SLC44A5: variants seen among roughly 807,000 people sequenced by gnomAD.
SLC44A5 encodes the protein choline transporter-like protein 5.
Under a neutral mutation model 101.8 loss-of-function variants are expected in SLC44A5, and 57 were observed. That is an observed-to-expected ratio of 0.56 (90% CI 0.45 to 0.70). The LOEUF (loss-of-function observed/expected upper bound fraction) is 0.70, where lower values mean the gene tolerates loss of function less well. Among genes scored for constraint, SLC44A5 ranks in the 30% least tolerant of loss-of-function variants. The pLI, the probability that SLC44A5 is intolerant of heterozygous loss-of-function variation, is 0.00. For synonymous variants in SLC44A5, 281 were observed against 290.9 expected, an observed-to-expected ratio of 0.97 and a Z score of 0.35; for missense variants, 737 against 853.1, an observed-to-expected ratio of 0.86 and a Z score of 1.70.
chr1:75,590,289 G>C (rs537294540), intron 1 of SLC44A5, among the ~76,000 whole-genome samples: 4 of 152,092 alleles, frequency 2.6e-5, no homozygotes, highest in African/African-American at 9.7e-5. Flanking sequence ...CTAGCTGACA[G>C]ATGACAATTC....
rs1646698438 is a variant in SLC44A5 at position 75,203,653 on chromosome 1, T to C, written c.*74A>G. 1.6e-5 allele frequency: 23 copies of C among 1,475,850 alleles called. No homozygotes were observed. In the East Asian group the frequency reaches 3.8e-4, roughly 24 times the overall value. The allele number at this position is 1,475,850 out of a possible 1,614,324, so 91.4% of individuals were successfully genotyped here. A position where few individuals can be genotyped will look rare whatever the true frequency, so the allele number is the denominator to read the frequency against. ...AGTGTTGCTAAACACAAAGCACTTA[T>C]GAAACAAATGTTGCACAGACACAGC... On this transcript the variant is annotated 3_prime_UTR_variant, in exon 24 of 24. Transcript: ENST00000370859.
chr1:75,583,415 T>C lies in SLC44A5; in HGVS notation c.-70+27625A>G, dbSNP rs1673813524. ...TTCCTACAATAGACAATGAGCTCTT[T>C]ATCTGACCGCTCAGAATCACCTGCA... On this transcript the variant is annotated intron_variant, in intron 1 of 23. Coordinates refer to ENST00000370859, the MANE Select transcript of SLC44A5 (RefSeq NM_001130058.2). Among the ~76,000 whole-genome samples, 2 of 152,166 alleles carry C rather than the reference T, an allele frequency of 1.3e-5. 1 individual carries two copies. The highest frequency in any genetic ancestry group is 2.9e-5 in the Non-Finnish European group (2 of 68,032).
chr1:75,507,820 T>G (rs1669353712), intron 2 of SLC44A5, among the ~76,000 whole-genome samples: 1 of 152,170 alleles, frequency 6.6e-6, no homozygotes, highest in Non-Finnish European at 1.5e-5. Flanking sequence ...TTCTGTATAC[T>G]TTTTAGTTTG....
intron 1 of SLC44A5, among the ~76,000 whole-genome samples, chr1:75,605,729 C>A (rs1250605709): frequency 1.3e-5 from 2 of 151,670 alleles, no homozygotes; most frequent in Admixed American, 6.6e-5. Context: ...AAAGCAAAGG[C>A]AAAAAAGAAA....
intron 4 of SLC44A5, among the ~76,000 whole-genome samples, chr1:75,311,456 CA>C (rs765119719): frequency 3.3e-5 from 5 of 152,144 alleles, no homozygotes; most frequent in Non-Finnish European, 5.9e-5. Flanking sequence ...AGTCATTAGG[CA>C]ATCTATACTT....
intron 1 of SLC44A5, among the ~76,000 whole-genome samples, chr1:75,549,676 C>T (rs1410542663): frequency 6.6e-6 from 1 of 152,100 alleles, no homozygotes; most frequent in Non-Finnish European, 1.5e-5. Flanking sequence ...ACAGATAAAA[C>T]CGTGTACTTA....
intron 12 of SLC44A5, among the ~76,000 whole-genome samples, chr1:75,228,423 C>G (rs994191158): frequency 4.6e-5 from 7 of 152,026 alleles, no homozygotes; most frequent in Admixed American, 3.3e-4. Context: ...CCTTCACTTG[C>G]AAATGTTCTG....
the SLC44A5 span, among the ~76,000 whole-genome samples, chr1:75,668,888 G>A: frequency 2.6e-5 from 4 of 151,202 alleles, no homozygotes; most frequent in South Asian, 2.1e-4. Context: ...CCAGCTACTC[G>A]GGAGGCTGGG....
At chr1:75,501,625 C>G (rs1453833192) in intron 2 of SLC44A5, among the ~76,000 whole-genome samples, 1 of 152,062 alleles carries the variant, frequency 6.6e-6, no homozygotes, top group Non-Finnish European at 1.5e-5. Context: ...TCAAGTAAAC[C>G]TTGCAGTCAT....
the SLC44A5 span, among the ~76,000 whole-genome samples, chr1:75,708,672 GA>G: frequency 6.6e-6 from 1 of 151,870 alleles, no homozygotes; most frequent in East Asian, 1.9e-4. Context: ...CTTTATGGGG[GA>G]AATGTTCATG....
intron 12 of SLC44A5, among the ~76,000 whole-genome samples, chr1:75,232,204 C>G (rs1647638964): frequency 6.6e-6 from 1 of 152,042 alleles, no homozygotes; most frequent in Non-Finnish European, 1.5e-5. Context: ...GTTGTTTTAC[C>G]TGCACTTTTT....
chr1:75,640,243 T>C, the SLC44A5 span, among the ~76,000 whole-genome samples: 1 of 152,170 alleles, frequency 6.6e-6, no homozygotes, highest in Admixed American at 6.6e-5. Flanking sequence ...CTCTTACATG[T>C]CTACAGTCTC....
the SLC44A5 span, among the ~76,000 whole-genome samples, chr1:75,663,921 C>A: frequency 1.4e-4 from 22 of 152,252 alleles, no homozygotes; most frequent in African/African-American, 5.3e-4. Flanking sequence ...AAAATACCAG[C>A]AAACTGAATC....
chr1:75,677,192 A>G, the SLC44A5 span, among the ~76,000 whole-genome samples: 2 of 152,000 alleles, frequency 1.3e-5, no homozygotes, highest in East Asian at 1.9e-4. Flanking sequence ...GTAAATACAG[A>G]AAAAAAACAG....
chr1:75,253,730 G>A (rs1407032139), intron 6 of SLC44A5, among the ~76,000 whole-genome samples: 1 of 152,114 alleles, frequency 6.6e-6, no homozygotes, highest in Non-Finnish European at 1.5e-5. Flanking sequence ...TTTGCCATAG[G>A]TAAAATTGAT....
chr1:75,446,748 CT>C (rs1665606218), intron 2 of SLC44A5, among the ~76,000 whole-genome samples: 1 of 152,044 alleles, frequency 6.6e-6, no homozygotes, highest in Non-Finnish European at 1.5e-5. Flanking sequence ...TAAATTCTCT[CT>C]TTCTATTTGG....
chr1:75,649,701 G>A, the SLC44A5 span, among the ~76,000 whole-genome samples: 1 of 152,128 alleles, frequency 6.6e-6, no homozygotes, highest in Non-Finnish European at 1.5e-5. Context: ...TGTCTCATAA[G>A]CTATGTAACT....
At chr1:75,493,616 G>A (rs1403643420) in intron 2 of SLC44A5, among the ~76,000 whole-genome samples, 2 of 151,850 alleles carry the variant, frequency 1.3e-5, no homozygotes, top group Non-Finnish European at 2.9e-5. Context: ...AAATCCTGAG[G>A]GGAAAAAAAT....
rs550257434 is a variant in SLC44A5, at chr1:75,242,712, C to T, written c.471+174G>A. ...CACCCCAAATCTACAAAATGATGTG[C>T]TATAACTGGTGTGCATGCACACCCA... On this transcript the variant is annotated intron_variant, in intron 8 of 23. Coordinates refer to ENST00000370859, the MANE Select transcript of SLC44A5 (RefSeq NM_001130058.2). Among the ~76,000 whole-genome samples, 52 of 152,164 alleles carry T rather than the reference C, an allele frequency of 3.4e-4. No individual in the cohort carries two copies. In the South Asian group the frequency reaches 0.011, roughly 32 times the overall value.
Sources: gnomAD v4.1 joint callset for allele counts (sites outside exome capture counted in the v4.1 genomes callset) on GRCh38, gnomAD v4.1.1 for gene constraint, MANE v1.5 for transcripts, NCBI Gene and HGNC (gene_info 2026-07-23, HGNC 2026-07-21) for gene names.